Variants in VGLL4 observed in about 807,000 individuals in gnomAD.
The protein encoded by VGLL4 is vestigial like family member 4.
In VGLL4, 7 loss-of-function variants were observed where a neutral mutation model predicts 21.0. That is an observed-to-expected ratio of 0.33 (90% CI 0.19 to 0.63). The LOEUF is 0.63. Among genes scored for constraint, VGLL4 ranks in the 20% least tolerant of loss-of-function variants. VGLL4 has a pLI of 0.78. For missense variants in VGLL4, 394 were observed against 425.7 expected (o/e 0.93, Z 0.66); for synonymous variants, 222 against 173.2 (o/e 1.28, Z -2.21).
intron 1 of VGLL4, among the ~76,000 whole-genome samples, chr3:11,712,141 G>C (rs946005586): frequency 2.0e-5 from 3 of 152,088 alleles, no homozygotes; most frequent in Non-Finnish European, 4.4e-5. Context: ...TAAGTCAACA[G>C]AGCCAGGACT....
At position 11,633,999 on chromosome 3, in the gene VGLL4, AAG is replaced by A. The variant is rs1303042371; in HGVS notation, c.82+9436_82+9437del. Among the ~76,000 whole-genome samples the A allele has an allele frequency of 7.9e-5, 12 of 152,270 alleles. No individual in the cohort carries two copies. In the South Asian group the frequency reaches 2.3e-3, roughly 29 times the overall value. On this transcript the variant is annotated intron_variant, in intron 1 of 4. Coordinates refer to ENST00000430365, the MANE Select transcript of VGLL4 (RefSeq NM_001128219.3). ...ACAGGAAAATTAATGGAGACCTCGT[AAG>A]AGAGGAGTTCCCAGGACCTCTTCAA...
chr3:11,695,175 G>A (rs141268738), intron 2 of VGLL4, among the ~76,000 whole-genome samples: 4,629 of 150,810 alleles, frequency 0.031, 232 homozygotes, highest in East Asian at 0.18. Flanking sequence ...TCAGCCTCCC[G>A]AGTAGCTGGG....
intron 1 of VGLL4, among the ~76,000 whole-genome samples, chr3:11,603,662 C>T (rs2074860031): frequency 6.6e-6 from 1 of 152,132 alleles, no homozygotes; most frequent in South Asian, 2.1e-4. Flanking sequence ...CAAACCTCAT[C>T]AAAATGGCAC....
chr3:11,576,891 C>T (rs997204954), intron 2 of VGLL4, among the ~76,000 whole-genome samples: 5 of 152,262 alleles, frequency 3.3e-5, no homozygotes, highest in African/African-American at 1.2e-4. Flanking sequence ...CCTCTAGACA[C>T]CCCTGGAGGG....
chr3:11,603,067 C>T (rs949165005), intron 1 of VGLL4, among the ~76,000 whole-genome samples: 1 of 152,114 alleles, frequency 6.6e-6, no homozygotes, highest in African/African-American at 2.4e-5. Flanking sequence ...CCTTGTGGTA[C>T]CTAAGAAAAG....
chr3:11,636,401 A>G lies in VGLL4; in HGVS notation c.82+7036T>C, dbSNP rs768698210. 5.3e-5 allele frequency among the ~76,000 whole-genome samples: 8 copies of G among 152,246 alleles called. 1 individual carries two copies. The highest frequency in any genetic ancestry group is 1.0e-4 in the Non-Finnish European group (7 of 68,050). Reference sequence around the variant, plus strand: ...AAATAAAAATCAAGAGCAATACATGAGTAATTCTTTTTCATTCACAATTTT... The same window carrying G: ...AAATAAAAATCAAGAGCAATACATGGGTAATTCTTTTTCATTCACAATTTT... On this transcript the variant is annotated intron_variant, in intron 1 of 4. Transcript: ENST00000430365.
chr3:11,576,023 A>G (rs2074033730), intron 2 of VGLL4, among the ~76,000 whole-genome samples: 1 of 152,248 alleles, frequency 6.6e-6, no homozygotes, highest in Non-Finnish European at 1.5e-5. Flanking sequence ...TTCTTTAACC[A>G]GAACTGTCTA....
At chr3:11,687,245 A>G (rs918382051) in intron 2 of VGLL4, among the ~76,000 whole-genome samples, 1 of 152,198 alleles carries the variant, frequency 6.6e-6, no homozygotes, top group Non-Finnish European at 1.5e-5. Context: ...TGATATTCCA[A>G]TTAGGATGTA....
chr3:11,558,557 C>T lies in VGLL4; in HGVS notation c.890G>A (p.Ter297=), dbSNP rs749935353. The T allele has an allele frequency of 6.4e-7, 1 of 1,559,932 alleles. No individual in the cohort carries two copies. Among genetic ancestry groups the T allele is most frequent in the Non-Finnish European group, 8.7e-7 (1 of 1,153,938 alleles). ...SHSHSPSVVS[*] ...GTGTTGTTGGAGGAGGCGCTCCCTT[C>T]AGGAGACCACAGAGGGGGAGTGACT... is the stretch of plus-strand genomic sequence containing the variant. The change falls in exon 5 of 5, where the codon TGA becomes TAA. Residue 297 remains the stop codon, a stop_retained_variant. Transcript: ENST00000430365.
chr3:11,661,961 C>T (rs930050044), intron 2 of VGLL4, among the ~76,000 whole-genome samples: 2 of 152,178 alleles, frequency 1.3e-5, no homozygotes, highest in African/African-American at 2.4e-5. Flanking sequence ...GAAGTGGAGA[C>T]ACTGATGGAA....
chr3:11,556,577 C>G lies in VGLL4; in HGVS notation c.*1979G>C, dbSNP rs1283400987. Reference sequence around the variant, plus strand: ...TTCTCATAGAATAACTGTTCCTGCACTTTTACAGACAAATCTACGACAAAA... The same window carrying G: ...TTCTCATAGAATAACTGTTCCTGCAGTTTTACAGACAAATCTACGACAAAA... On this transcript the variant is annotated 3_prime_UTR_variant, in exon 5 of 5. Transcript: ENST00000430365. The G allele has an allele frequency of 1.3e-5, 2 of 152,430 alleles. No individual in the cohort carries two copies. Among genetic ancestry groups the G allele is most frequent in the East Asian group, 3.8e-4 (2 of 5,308 alleles). The allele number at this position is 152,430 out of a possible 1,614,324, so 9.4% of individuals were successfully genotyped here. A position where few individuals can be genotyped will look rare whatever the true frequency, so the allele number is the denominator to read the frequency against.
chr3:11,685,874 G>A (rs1302104267), intron 2 of VGLL4, among the ~76,000 whole-genome samples: 1 of 151,976 alleles, frequency 6.6e-6, no homozygotes, highest in Non-Finnish European at 1.5e-5. Context: ...TTTTTAAATG[G>A]GCAAAGCACT....
Position 11,558,436 on chromosome 3 carries a change from A to G in VGLL4, c.*120T>C, listed in dbSNP as rs1164641251. 28 of 1,409,110 alleles carry G rather than the reference A, an allele frequency of 2.0e-5. No homozygotes were observed. The highest frequency in any genetic ancestry group is 2.3e-5 in the Non-Finnish European group (25 of 1,069,814). 87.3% of individuals were successfully genotyped at this position (1,409,110 alleles called of 1,614,324 possible). On this transcript the variant is annotated 3_prime_UTR_variant, in exon 5 of 5. Transcript: ENST00000430365. ...AATCCCAACAACATGGTTTTTGCAAATAAACCATCCCTTCCCTTCCCCCCA... is the reference window on the plus strand; with the variant it reads ...AATCCCAACAACATGGTTTTTGCAAGTAAACCATCCCTTCCCTTCCCCCCA...
intron 1 of VGLL4, among the ~76,000 whole-genome samples, chr3:11,609,366 A>G (rs1203567194): frequency 6.6e-6 from 1 of 152,356 alleles, no homozygotes; most frequent in East Asian, 1.9e-4. Context: ...CAGATTCAAC[A>G]AAGCAATCAA....
At chr3:11,624,927 A>C (rs916181347) in intron 1 of VGLL4, among the ~76,000 whole-genome samples, 5 of 152,210 alleles carry the variant, frequency 3.3e-5, no homozygotes, top group African/African-American at 4.8e-5. Context: ...ACGCTCTGAG[A>C]GGCCGCCGCA....
chr3:11,590,109 A>AG (rs1415311476), intron 2 of VGLL4, among the ~76,000 whole-genome samples: 1 of 152,224 alleles, frequency 6.6e-6, no homozygotes, highest in Non-Finnish European at 1.5e-5. Flanking sequence ...AACTTTGACC[A>AG]GGGAACACTT....
At chr3:11,563,163 T>A (rs909162270) in intron 3 of VGLL4, among the ~76,000 whole-genome samples, 1 of 150,342 alleles carries the variant, frequency 6.7e-6, no homozygotes, top group African/African-American at 2.4e-5. Context: ...AGATAGCTTG[T>A]AAGGCTCACA....
chr3:11,586,720 C>T (rs760645794), intron 2 of VGLL4, among the ~76,000 whole-genome samples: 1 of 152,162 alleles, frequency 6.6e-6, no homozygotes, highest in African/African-American at 2.4e-5. Flanking sequence ...TCTGTATCCT[C>T]GAGGGTCTTG....
chr3:11,630,380 C>T (rs1019731748), intron 1 of VGLL4, among the ~76,000 whole-genome samples: 46 of 152,058 alleles, frequency 3.0e-4, no homozygotes, highest in Non-Finnish European at 1.2e-4. Flanking sequence ...CGTGGTGGCT[C>T]ACACCTGTAA....
Sources: gnomAD v4.1 joint callset for allele counts (sites outside exome capture counted in the v4.1 genomes callset) on GRCh38, gnomAD v4.1.1 for gene constraint, MANE v1.5 for transcripts, NCBI Gene and HGNC (gene_info 2026-07-23, HGNC 2026-07-21) for gene names.